The following TEX9 variants were observed in gnomAD, a reference collection of about 807,000 sequenced individuals.
The protein encoded by TEX9 is testis-expressed protein 9.
TEX9 carries 74 observed loss-of-function variants against 59.6 expected under a neutral mutation model. The observed-to-expected ratio is 1.24, with a 90% CI of 1.03 to 1.51. The LOEUF is 1.51. Ranked by LOEUF, TEX9 falls within the 40% of genes most tolerant of loss-of-function variation. The pLI is 0.00. For synonymous variants in TEX9, 186 were observed against 152.2 expected (o/e 1.22, Z -1.64); for missense variants, 522 against 447.8 (o/e 1.17, Z -1.49).
At chr15:56,300,701 GAGAGA>G (rs1419819558) in intron 1 of TEX9, among the ~76,000 whole-genome samples, 19 of 108,086 alleles carry the variant, frequency 1.8e-4, no homozygotes, top group Admixed American at 1.4e-3. Context: ...GAGAGAGAGA[GAGAGA>G]GGGAGAGAGA....
chr15:56,427,461 G>T (rs1244431433), intron 10 of TEX9, 144 bp from the exon 11 acceptor site: 1 of 466,742 alleles, frequency 2.1e-6, no homozygotes, highest in African/African-American at 2.1e-5. Flanking sequence ...CAGTAATTCG[G>T]TAATGGAAAG....
chr15:56,271,570 G>A (rs377085310), intron 1 of TEX9, among the ~76,000 whole-genome samples: 9 of 151,998 alleles, frequency 5.9e-5, no homozygotes, highest in South Asian at 2.1e-4. Context: ...AAATGCTGGC[G>A]TTACAGGCAT....
chr15:56,308,247 T>A (rs147032018), intron 1 of TEX9, among the ~76,000 whole-genome samples: 1 of 152,234 alleles, frequency 6.6e-6, no homozygotes, highest in African/African-American at 2.4e-5. Context: ...TATTTCCATC[T>A]TTTTTATTAT....
chr15:56,342,479 A>C (rs1278134304), intron 1 of TEX9, among the ~76,000 whole-genome samples: 1 of 152,160 alleles, frequency 6.6e-6, no homozygotes, highest in African/African-American at 2.4e-5. Context: ...GGTCAAAAAA[A>C]AAGAAGAGCA....
At chr15:56,417,514 A>G (rs2049754015) in intron 10 of TEX9, among the ~76,000 whole-genome samples, 1 of 151,808 alleles carries the variant, frequency 6.6e-6, no homozygotes, top group African/African-American at 2.4e-5. Flanking sequence ...AGTGATTTTC[A>G]TAGTCTTGAC....
intron 1 of TEX9, among the ~76,000 whole-genome samples, chr15:56,260,852 C>A (rs1178389324): frequency 6.6e-6 from 1 of 151,820 alleles, no homozygotes; most frequent in African/African-American, 2.4e-5. Context: ...GAGAATTCAC[C>A]ACTAAATATA....
chr15:56,349,896 A>G (rs939730619), intron 1 of TEX9, among the ~76,000 whole-genome samples: 1 of 151,978 alleles, frequency 6.6e-6, no homozygotes. Flanking sequence ...GTTGAACCTC[A>G]TTTCTCATTT....
At chr15:56,290,577 G>A (rs986837614) in intron 1 of TEX9, among the ~76,000 whole-genome samples, 2 of 151,856 alleles carry the variant, frequency 1.3e-5, no homozygotes, top group African/African-American at 4.8e-5. Context: ...TCAGCCTCCC[G>A]AGTTGCTGGG....
At chr15:56,353,214 T>C (rs911723733) in intron 1 of TEX9, among the ~76,000 whole-genome samples, 25 of 152,322 alleles carry the variant, frequency 1.6e-4, no homozygotes, top group Non-Finnish European at 3.7e-4. Flanking sequence ...TTGTTTTAAT[T>C]AAATTAATGT....
chr15:56,324,931 T>A (rs1164164705), intron 1 of TEX9, among the ~76,000 whole-genome samples: 1 of 152,186 alleles, frequency 6.6e-6, no homozygotes, highest in African/African-American at 2.4e-5. Flanking sequence ...TAACTTGATT[T>A]CATTATAAAA....
chr15:56,441,960 C>T (rs1413463239), intron 12 of TEX9, among the ~76,000 whole-genome samples: 2 of 152,136 alleles, frequency 1.3e-5, no homozygotes, highest in Middle Eastern at 3.4e-3. Flanking sequence ...GCATAGCTTG[C>T]AGTGAGCCGA....
At chr15:56,428,847 C>T (rs1403907765) in intron 12 of TEX9, 4 of 420,684 alleles carry the variant, frequency 9.5e-6, no homozygotes, top group Non-Finnish European at 8.3e-6. Context: ...AATATACTGT[C>T]TTGAGGATGG....
intron 12 of TEX9, among the ~76,000 whole-genome samples, chr15:56,432,044 T>C (rs1487440501): frequency 1.3e-5 from 2 of 152,210 alleles, no homozygotes; most frequent in African/African-American, 4.8e-5. Context: ...AGTAATCTAC[T>C]AAGCCACTGT....
chr15:56,456,632 G>T, the TEX9 span: 1 of 1,035,454 alleles, frequency 9.7e-7, no homozygotes, highest in African/African-American at 1.6e-5. Flanking sequence ...AACAATTGAT[G>T]ATGTTTTATT....
chr15:56,320,661 AT>A (rs2045881663), intron 1 of TEX9, among the ~76,000 whole-genome samples: 1 of 152,136 alleles, frequency 6.6e-6, no homozygotes, highest in South Asian at 2.1e-4. Context: ...AGCTGTGGAG[AT>A]AGGGAGAGTA....
chr15:56,310,958 G>A (rs3865006), intron 1 of TEX9, among the ~76,000 whole-genome samples: 1 of 152,070 alleles, frequency 6.6e-6, no homozygotes, highest in African/African-American at 2.4e-5. Flanking sequence ...GAAAGTCATA[G>A]GGAAGGGCCC....
intron 1 of TEX9, among the ~76,000 whole-genome samples, chr15:56,272,576 G>A (rs1212155075): frequency 6.6e-6 from 1 of 152,150 alleles, no homozygotes; most frequent in Non-Finnish European, 1.5e-5. Flanking sequence ...GAACATTCAT[G>A]TACAGCTTTT....
intron 1 of TEX9, among the ~76,000 whole-genome samples, chr15:56,304,441 GT>G (rs553861681): frequency 6.6e-6 from 1 of 152,180 alleles, no homozygotes; most frequent in South Asian, 2.1e-4. Flanking sequence ...TTTTGTGAGG[GT>G]TTTTATGAAA....
chr15:56,266,903 A>C (rs8038857), intron 1 of TEX9, among the ~76,000 whole-genome samples: 138,605 of 152,112 alleles, frequency 0.91, 63,164 homozygotes, highest in Middle Eastern at 0.96. Flanking sequence ...ATTGCCACAC[A>C]GTCGTCCATA....
Sources: gnomAD v4.1 joint callset for allele counts (sites outside exome capture counted in the v4.1 genomes callset) on GRCh38, gnomAD v4.1.1 for gene constraint, MANE v1.5 for transcripts, NCBI Gene and HGNC (gene_info 2026-07-23, HGNC 2026-07-21) for gene names.